Variants in SMIM35 observed in about 807,000 individuals in gnomAD.
The protein encoded by SMIM35 is TMPRSS4 antisense RNA 1 (non-protein coding).
chr11:118,029,074 C>A, intron 1 of SMIM35: 3 of 299,198 alleles, frequency 1.0e-5, no homozygotes, highest in South Asian at 3.0e-5. Flanking sequence ...CTGAGTCACT[C>A]AAATAAAGGA....
chr11:118,085,699 A>T (rs1945494273), intron 1 of SMIM35, among the ~76,000 whole-genome samples: 2 of 152,216 alleles, frequency 1.3e-5, no homozygotes, highest in Non-Finnish European at 2.9e-5. Flanking sequence ...CCCAATGGCA[A>T]ACCCATGAGG....
intron 1 of SMIM35, among the ~76,000 whole-genome samples, chr11:118,030,221 G>A (rs1051401795): frequency 3.9e-5 from 6 of 152,038 alleles, no homozygotes; most frequent in African/African-American, 1.2e-4. Flanking sequence ...TTTTAGTAGA[G>A]ATGGGGTTTC....
At chr11:118,053,307 AACACACACACACACACAC>A (rs57912361) in intron 1 of SMIM35, among the ~76,000 whole-genome samples, 39 of 142,090 alleles carry the variant, frequency 2.7e-4, no homozygotes, top group East Asian at 1.7e-3. Context: ...GACTCTCTAA[AACACACACACACACACAC>A]ACACACACAC....
At chr11:118,031,782 T>A (rs944926014) in intron 1 of SMIM35, 2 of 150,786 alleles carry the variant, frequency 1.3e-5, no homozygotes, top group African/African-American at 4.9e-5. Context: ...GTGACCAGAG[T>A]GAGCTTCATC....
At chr11:118,053,033 C>T (rs1365447073) in intron 1 of SMIM35, among the ~76,000 whole-genome samples, 1 of 152,166 alleles carries the variant, frequency 6.6e-6, no homozygotes, top group Non-Finnish European at 1.5e-5. Flanking sequence ...CAGCCGGGTC[C>T]GGTGGCTCAC....
At position 118,027,120 on chromosome 11, in the gene SMIM35, C is replaced by T. The variant is rs965988228; in HGVS notation, c.8-11311G>A. On this transcript the variant is annotated intron_variant, in intron 1 of 4. Transcript: ENST00000689828. Reference sequence around the variant, plus strand: ...TCGGCTCACTGCAAGCTCCGCTTCCCGGGTTCACGCCATTCTCCTGCCTCA... The same window carrying T: ...TCGGCTCACTGCAAGCTCCGCTTCCTGGGTTCACGCCATTCTCCTGCCTCA... Among the ~76,000 whole-genome samples, 16 of 143,894 alleles carry T rather than the reference C, an allele frequency of 1.1e-4. No homozygotes were observed. In the South Asian group the frequency reaches 1.4e-3, roughly 12 times the overall value. The allele number at this position is 143,894 out of a possible 152,430, so 94.4% of individuals were successfully genotyped here.
In SMIM35 at chr11:118,077,162, C is replaced by T. The variant is rs150393046; in HGVS notation, c.7+9589G>A. 1.4e-3 allele frequency: 1,442 copies of T among 995,784 alleles called. 9 individuals are homozygous for T. In the African/African-American group the frequency reaches 0.022, roughly 15 times the overall value. The allele number at this position is 995,784 out of a possible 1,614,324, so 61.7% of individuals were successfully genotyped here. A position where few individuals can be genotyped will look rare whatever the true frequency, so the allele number is the denominator to read the frequency against. ...GAGGGACCAAGGCCTGCCCTGCACT[C>T]GGGCCTCCTCCAGCCAGTGCTGACC... On this transcript the variant is annotated intron_variant, in intron 1 of 4. Coordinates refer to ENST00000689828, the MANE Select transcript of SMIM35 (RefSeq NM_001394165.1).
At chr11:118,037,704 T>C (rs1250718744) in intron 1 of SMIM35, among the ~76,000 whole-genome samples, 3 of 152,238 alleles carry the variant, frequency 2.0e-5, no homozygotes, top group African/African-American at 7.2e-5. Flanking sequence ...ACCTGTTCCA[T>C]GTCACCATTT....
At chr11:118,083,315 T>C (rs1945299092) in intron 1 of SMIM35, among the ~76,000 whole-genome samples, 1 of 152,228 alleles carries the variant, frequency 6.6e-6, no homozygotes, top group African/African-American at 2.4e-5. Flanking sequence ...CTTCCACTGG[T>C]CCTTGCTTCT....
intron 1 of SMIM35, among the ~76,000 whole-genome samples, chr11:118,026,796 T>C (rs1325271954): frequency 6.6e-6 from 1 of 152,072 alleles, no homozygotes; most frequent in Admixed American, 6.5e-5. Flanking sequence ...AGTGAGACCC[T>C]GTTTCTTTTT....
chr11:118,069,790 G>C (rs1421240512), intron 1 of SMIM35, among the ~76,000 whole-genome samples: 1 of 152,162 alleles, frequency 6.6e-6, no homozygotes, highest in African/African-American at 2.4e-5. Context: ...GGCCAGGCGC[G>C]GTGGCTCGTG....
Position 118,004,753 on chromosome 11 carries a change from C to T in SMIM35, c.*1657G>A, listed in dbSNP as rs1210152753. 6.6e-6 allele frequency: 1 copy of T among 152,218 alleles called. No homozygotes were observed. The highest frequency in any genetic ancestry group is 1.5e-5 in the Non-Finnish European group (1 of 68,040). 9.4% of individuals were successfully genotyped at this position (152,218 alleles called of 1,614,324 possible). A position where few individuals can be genotyped will look rare whatever the true frequency, so the allele number is the denominator to read the frequency against. On this transcript the variant is annotated 3_prime_UTR_variant, in exon 5 of 5. Transcript: ENST00000689828. ...GAAAAGCAGGCTGCCATCCCTTCAACTCATCGAGTCACAGGAGCCACGGCT... is the reference window on the plus strand; with the variant it reads ...GAAAAGCAGGCTGCCATCCCTTCAATTCATCGAGTCACAGGAGCCACGGCT...
At position 118,051,825 on chromosome 11, in the gene SMIM35, G is replaced by GATACTAATACTAATACTAATACTA. The variant is rs57139857; in HGVS notation, c.7+34902_7+34925dup. On this transcript the variant is annotated intron_variant, in intron 1 of 4. Transcript: ENST00000689828. ...CAGCAGGGCAATCTTAGTTTAGGTT[G>GATACTAATACTAATACTAATACTA]ATACTAATACTAATACTAATACTAA... Among the ~76,000 whole-genome samples the GATACTAATACTAATACTAATACTA allele has an allele frequency of 5.7e-3, 857 of 149,514 alleles. 9 individuals carry two copies. Among genetic ancestry groups the GATACTAATACTAATACTAATACTA allele is most frequent in the African/African-American group, 0.019 (759 of 40,396 alleles).
At chr11:118,082,810 T>A (rs1213939918) in intron 1 of SMIM35, among the ~76,000 whole-genome samples, 1 of 152,190 alleles carries the variant, frequency 6.6e-6, no homozygotes, top group Non-Finnish European at 1.5e-5. Context: ...ACTAATCCTA[T>A]CTGTGGGAGG....
chr11:118,047,870 C>A (rs1032100031), intron 1 of SMIM35, among the ~76,000 whole-genome samples: 1 of 152,168 alleles, frequency 6.6e-6, no homozygotes, highest in Admixed American at 6.5e-5. Context: ...AGTGCCTAAG[C>A]TTTGCTAGGC....
chr11:118,025,870 G>A, intron 1 of SMIM35: 1 of 429,232 alleles, frequency 2.3e-6, no homozygotes, highest in South Asian at 1.7e-5. Context: ...CTTTGCCAAG[G>A]CCAATGTCCA....
intron 1 of SMIM35, among the ~76,000 whole-genome samples, chr11:118,051,292 C>G (rs1944209306): frequency 6.6e-6 from 1 of 152,154 alleles, no homozygotes; most frequent in Non-Finnish European, 1.5e-5. Flanking sequence ...GCTTGCTCAC[C>G]CACCCCTGGG....
At chr11:118,028,911 G>A (rs1184954468) in intron 1 of SMIM35, 1 of 427,658 alleles carries the variant, frequency 2.3e-6, no homozygotes, top group South Asian at 1.7e-5. Flanking sequence ...AGGACAGGAG[G>A]AGGAGGAGGG....
Position 118,021,226 on chromosome 11 carries a change from G to A in SMIM35, c.8-5417C>T, listed in dbSNP as rs116839016. On this transcript the variant is annotated intron_variant, in intron 1 of 4. Coordinates refer to ENST00000689828, the MANE Select transcript of SMIM35 (RefSeq NM_001394165.1). ...GAGGTAAAACATTGGAAATTATTGT[G>A]AATGTTACTGAAAATTCAGTTTAAA... Among the ~76,000 whole-genome samples the A allele has an allele frequency of 4.1e-3, 621 of 152,164 alleles. 2 individuals are homozygous for A. Among genetic ancestry groups the A allele is most frequent in the African/African-American group, 0.013 (522 of 41,542 alleles).
Sources: allele counts gnomAD v4.1 joint callset (sites outside exome capture counted in the v4.1 genomes callset), GRCh38; gene constraint gnomAD v4.1.1; transcripts MANE v1.5; gene names NCBI Gene and HGNC (gene_info 2026-07-23, HGNC 2026-07-21).